SORCS2: variants seen among roughly 807,000 people sequenced by gnomAD.
SORCS2 encodes VPS10 domain-containing receptor SorCS2.
A neutral mutation model predicts 141.6 loss-of-function variants in SORCS2; 100 were observed. That is an observed-to-expected ratio of 0.71 (90% CI 0.60 to 0.83). SORCS2 has a LOEUF of 0.83. Ranked by LOEUF, SORCS2 falls within the 40% of genes least tolerant of loss-of-function variation. The pLI, the probability that SORCS2 is intolerant of heterozygous loss-of-function variation, is 0.00. For synonymous variants in SORCS2, 789 were observed against 676.9 expected (o/e 1.17, Z -2.57); for missense variants, 1,646 against 1,560.2 (o/e 1.05, Z -0.93).
chr4:7,375,944 A>C (rs902689485), intron 1 of SORCS2, among the ~76,000 whole-genome samples: 8 of 152,252 alleles, frequency 5.3e-5, no homozygotes, highest in Non-Finnish European at 8.8e-5. Context: ...TGAGGATAGT[A>C]ATACCTAATC....
intron 1 of SORCS2, among the ~76,000 whole-genome samples, chr4:7,339,967 T>A (rs16840091): frequency 3.3e-5 from 5 of 151,980 alleles, no homozygotes; most frequent in African/African-American, 1.2e-4. Context: ...CTTTACAGAC[T>A]AGGACCTTGA....
At chr4:7,300,060 C>T (rs1212692958) in intron 1 of SORCS2, among the ~76,000 whole-genome samples, 3 of 152,158 alleles carry the variant, frequency 2.0e-5, no homozygotes, top group Non-Finnish European at 2.9e-5. Context: ...AGAATCAGGA[C>T]GAGAGAGGAT....
chr4:7,534,094 C>T (rs1454343006), intron 3 of SORCS2, among the ~76,000 whole-genome samples: 2 of 152,178 alleles, frequency 1.3e-5, no homozygotes, highest in East Asian at 1.9e-4. Context: ...AATATCACTG[C>T]GGGTACAGGA....
At chr4:7,430,224 C>T (rs1560277485) in intron 2 of SORCS2, 1 of 151,288 alleles carries the variant, frequency 6.6e-6, no homozygotes. Flanking sequence ...CTCTTCCATG[C>T]TTTCCAGGAG....
At chr4:7,324,480 A>T (rs1192706023) in intron 1 of SORCS2, among the ~76,000 whole-genome samples, 1 of 152,208 alleles carries the variant, frequency 6.6e-6, no homozygotes, top group African/African-American at 2.4e-5. Flanking sequence ...CCCAGCTGTC[A>T]TGAGAGGATG....
At chr4:7,211,702 C>T (rs553196036) in intron 1 of SORCS2, among the ~76,000 whole-genome samples, 260 of 152,206 alleles carry the variant, frequency 1.7e-3, no homozygotes, top group Non-Finnish European at 2.7e-3. Context: ...AGATTGTCCA[C>T]GTGAAGTTCC....
At chr4:7,493,628 T>C (rs1049393243) in intron 2 of SORCS2, among the ~76,000 whole-genome samples, 1 of 152,204 alleles carries the variant, frequency 6.6e-6, no homozygotes, top group Non-Finnish European at 1.5e-5. Context: ...GCTACCCTGC[T>C]GTACCCTTGC....
intron 3 of SORCS2, among the ~76,000 whole-genome samples, chr4:7,534,067 T>C (rs1014449934): frequency 6.6e-6 from 1 of 152,228 alleles, no homozygotes; most frequent in African/African-American, 2.4e-5. Flanking sequence ...GCCAGGAGTT[T>C]GGACATTTAG....
chr4:7,238,364 C>A (rs1187658510), intron 1 of SORCS2, among the ~76,000 whole-genome samples: 1 of 152,208 alleles, frequency 6.6e-6, no homozygotes, highest in East Asian at 1.9e-4. Flanking sequence ...AAAGTCAAAT[C>A]CAGACTGAGG....
chr4:7,712,382 T>C (rs959006128), intron 14 of SORCS2, among the ~76,000 whole-genome samples: 3 of 152,212 alleles, frequency 2.0e-5, no homozygotes, highest in African/African-American at 7.2e-5. Context: ...CAAGGACCAC[T>C]GTGGGGGCCG....
At chr4:7,443,728 G>T (rs954999126) in intron 2 of SORCS2, among the ~76,000 whole-genome samples, 1 of 152,234 alleles carries the variant, frequency 6.6e-6, no homozygotes, top group Non-Finnish European at 1.5e-5. Flanking sequence ...TCTTTCCGAG[G>T]CCTCAGCACC....
intron 2 of SORCS2, among the ~76,000 whole-genome samples, chr4:7,483,760 CA>C (rs1730802861): frequency 1.3e-5 from 2 of 150,076 alleles, no homozygotes; most frequent in South Asian, 4.2e-4. Flanking sequence ...GGTGGGGGGC[CA>C]GGGGAGGGAG....
intron 2 of SORCS2, among the ~76,000 whole-genome samples, chr4:7,474,262 G>T (rs937037212): frequency 6.6e-6 from 1 of 152,240 alleles, no homozygotes; most frequent in Non-Finnish European, 1.5e-5. Context: ...AACATCTCCA[G>T]AAACAGCAGG....
chr4:7,723,091 G>T (rs544678814), intron 18 of SORCS2, among the ~76,000 whole-genome samples: 1 of 152,218 alleles, frequency 6.6e-6, no homozygotes, highest in African/African-American at 2.4e-5. Flanking sequence ...ATGGTGGAGC[G>T]GCCTCTCTGG....
At chr4:7,328,429 C>G (rs191629360) in intron 1 of SORCS2, among the ~76,000 whole-genome samples, 1 of 151,966 alleles carries the variant, frequency 6.6e-6, no homozygotes, top group Non-Finnish European at 1.5e-5. Flanking sequence ...GGAGAGTAAA[C>G]GGAGGCACCT....
chr4:7,543,939 C>CCCATCCACCCATCCATCCATCCAT lies in SORCS2; in HGVS notation c.648+12317_648+12318insCCCATCCATCCATCCATCCATCCA, dbSNP rs1553881897. ...ACCCATCCACCCATCCACCCATCCA[C>CCCATCCACCCATCCATCCATCCAT]CCATCCATCCATCCATCCATCCATC... is the stretch of plus-strand genomic sequence containing the variant. On this transcript the variant is annotated intron_variant, in intron 3 of 26. Coordinates refer to ENST00000507866, the MANE Select transcript of SORCS2 (RefSeq NM_020777.3). 6.3e-3 allele frequency among the ~76,000 whole-genome samples: 107 copies of CCCATCCACCCATCCATCCATCCAT among 16,886 alleles called. 3 individuals carry two copies. Among genetic ancestry groups the CCCATCCACCCATCCATCCATCCAT allele is most frequent in the Non-Finnish European group, 7.6e-3 (62 of 8,194 alleles). The allele number at this position is 16,886 out of a possible 152,430, so 11.1% of individuals were successfully genotyped here.
chr4:7,469,582 C>T (rs1241028797), intron 2 of SORCS2, among the ~76,000 whole-genome samples: 2 of 152,188 alleles, frequency 1.3e-5, no homozygotes, highest in Admixed American at 6.5e-5. Context: ...TCCTTCCAGC[C>T]CCACTGAGGC....
intron 1 of SORCS2, among the ~76,000 whole-genome samples, chr4:7,245,409 T>C (rs758302321): frequency 6.6e-6 from 1 of 152,192 alleles, no homozygotes; most frequent in Non-Finnish European, 1.5e-5. Context: ...TGATATGGAA[T>C]TTTTCTGGTG....
intron 2 of SORCS2, among the ~76,000 whole-genome samples, chr4:7,472,229 C>T (rs947726443): frequency 6.6e-6 from 1 of 152,036 alleles, no homozygotes; most frequent in Non-Finnish European, 1.5e-5. Context: ...ATGGATGCAT[C>T]GGGATGGAGG....
Sources: gnomAD v4.1 joint callset for allele counts (sites outside exome capture counted in the v4.1 genomes callset) on GRCh38, gnomAD v4.1.1 for gene constraint, MANE v1.5 for transcripts, NCBI Gene and HGNC (gene_info 2026-07-23, HGNC 2026-07-21) for gene names.